KLRG2: variants seen among roughly 807,000 people sequenced by gnomAD.
KLRG2 encodes killer cell lectin like receptor G2, also known as killer cell lectin-like receptor subfamily G member 2.
KLRG2 carries 39 observed loss-of-function variants against 35.4 expected under a neutral mutation model. The observed-to-expected ratio is 1.10, with a 90% confidence interval of 0.85 to 1.44. KLRG2 has a LOEUF of 1.44. Ranked by LOEUF, KLRG2 falls within the 40% of genes most tolerant of loss-of-function variation. KLRG2 has a pLI of 0.00. For synonymous variants in KLRG2, 283 were observed against 265.8 expected (o/e 1.06, Z -0.63); for missense variants, 632 against 570.9 (o/e 1.11, Z -1.09).
At chr7:139,448,342 T>A (rs1031289138), downstream of KLRG2, among the ~76,000 whole-genome samples, 4 of 152,180 alleles carry the variant, frequency 2.6e-5, no homozygotes, top group Non-Finnish European at 5.9e-5. Flanking sequence ...TTTGGACATA[T>A]TGAAGACCAG....
chr7:139,465,983 C>G (rs1185705076), intron 3 of KLRG2, among the ~76,000 whole-genome samples: 1 of 152,168 alleles, frequency 6.6e-6, no homozygotes, highest in Non-Finnish European at 1.5e-5. Flanking sequence ...CAGGCCCATT[C>G]TATTCTGTCA....
chr7:139,443,676 C>T, the KLRG2 span, among the ~76,000 whole-genome samples: 2 of 152,148 alleles, frequency 1.3e-5, no homozygotes, highest in South Asian at 4.1e-4. Context: ...ATTCTCCTGC[C>T]TCAGCCTCCC....
intron 1 of KLRG2, among the ~76,000 whole-genome samples, chr7:139,481,262 T>C (rs1796955188): frequency 6.6e-6 from 1 of 152,242 alleles, no homozygotes; most frequent in South Asian, 2.1e-4. Context: ...GCCGGCATTA[T>C]AGACTTCTGA....
chr7:139,454,336 C>G, intron 3 of KLRG2, 122 bp from the exon 4 acceptor site: 1 of 644,728 alleles, frequency 1.6e-6, no homozygotes, highest in African/African-American at 1.9e-5. Flanking sequence ...CTGCTCAAGC[C>G]AGCACTTGCA....
chr7:139,463,019 C>T (rs544829631), intron 3 of KLRG2, among the ~76,000 whole-genome samples: 3 of 152,284 alleles, frequency 2.0e-5, no homozygotes, highest in African/African-American at 4.8e-5. Context: ...TCACACCCGA[C>T]GCGGCTTACA....
intron 3 of KLRG2, among the ~76,000 whole-genome samples, chr7:139,476,073 G>A (rs1266750925): frequency 6.6e-6 from 1 of 152,182 alleles, no homozygotes; most frequent in Non-Finnish European, 1.5e-5. Flanking sequence ...TGTTAGCTTG[G>A]AGGTTAGAAT....
chr7:139,432,525 A>G, the KLRG2 span, among the ~76,000 whole-genome samples: 1 of 146,192 alleles, frequency 6.8e-6, no homozygotes, highest in Non-Finnish European at 1.5e-5. Context: ...CTCGGTATCT[A>G]TGGGGGATTG....
the KLRG2 span, among the ~76,000 whole-genome samples, chr7:139,446,335 G>A: frequency 7.8e-6 from 1 of 127,954 alleles, no homozygotes; most frequent in Non-Finnish European, 1.6e-5. Context: ...CATTTTCCAG[G>A]GTTTTTTTTT....
rs544045693 is a variant in KLRG2, at chr7:139,483,020, C to T, written c.623G>A (p.Gly208Glu). 4.7e-5 allele frequency: 64 copies of T among 1,370,898 alleles called. No individual in the cohort carries two copies. The South Asian group carries it at 1.0e-3, about 22-fold the overall frequency. The allele number at this position is 1,370,898 out of a possible 1,614,324, so 84.9% of individuals were successfully genotyped here. A position where few individuals can be genotyped will look rare whatever the true frequency, so the allele number is the denominator to read the frequency against. ...GGGGGAGCCCGGGGAGCCGGCGCTT[C>T]CTTCCGCGGGGCTGGCCCGGCCCTC... is the stretch of plus-strand genomic sequence containing the variant. ...DAEGRASPAEGSAGSPGSPTC... is the reference protein window; with the variant it reads ...DAEGRASPAEESAGSPGSPTC... Residue 208 changes from glycine to glutamate, a missense_variant, in exon 1 of 5, where the codon GGA becomes GAA. Gly to Glu is a moderately conservative substitution (Grantham distance 98). Coordinates refer to ENST00000340940, the MANE Select transcript of KLRG2 (RefSeq NM_198508.4).
intron 3 of KLRG2, among the ~76,000 whole-genome samples, chr7:139,469,160 G>T (rs555341888): frequency 2.6e-5 from 4 of 152,136 alleles, no homozygotes; most frequent in Admixed American, 1.3e-4. Flanking sequence ...CATAAGATTT[G>T]TTTATTTACT....
the KLRG2 span, among the ~76,000 whole-genome samples, chr7:139,435,269 C>G: frequency 6.6e-6 from 1 of 152,206 alleles, no homozygotes; most frequent in Non-Finnish European, 1.5e-5. Context: ...GGGAGTGGAT[C>G]ACTTGAGGTC....
At chr7:139,476,340 T>C (rs569906847) in intron 3 of KLRG2, among the ~76,000 whole-genome samples, 2 of 152,032 alleles carry the variant, frequency 1.3e-5, no homozygotes, top group Admixed American at 1.3e-4. Flanking sequence ...TGCAGGTAAA[T>C]AGAAATTCCA....
chr7:139,463,783 T>A (rs1253439859), intron 3 of KLRG2, among the ~76,000 whole-genome samples: 1 of 152,214 alleles, frequency 6.6e-6, no homozygotes. Flanking sequence ...CCCAATTGCC[T>A]CAGAAGCTTC....
At position 139,483,615 on chromosome 7, in the gene KLRG2, C is replaced by G; in HGVS notation, c.28G>C (p.Gly10Arg). Reference sequence around the variant, plus strand: ...GGGAGCTCTGCCCCGGCTTGGCCTCCGGGCGCAGCCTCCCAAGACTCCTCC... The same window carrying G: ...GGGAGCTCTGCCCCGGCTTGGCCTCGGGGCGCAGCCTCCCAAGACTCCTCC... MEESWEAAPGGQAGAELPME... is the reference protein window; with the variant it reads MEESWEAAPRGQAGAELPME... The change falls in exon 1 of 5, where the codon GGA (glycine) becomes CGA (arginine). Residue 10 changes from glycine to arginine, a missense_variant. Transcript: ENST00000340940. 1.3e-6 allele frequency: 2 copies of G among 1,574,784 alleles called. No individual in the cohort carries two copies. Among genetic ancestry groups the G allele is most frequent in the Non-Finnish European group, 1.7e-6 (2 of 1,169,272 alleles).
Position 139,454,152 on chromosome 7 carries a change from C to G in KLRG2, c.1068G>C (p.Gln356His). 1 of 1,546,442 alleles carries G rather than the reference C, an allele frequency of 6.5e-7. No individual in the cohort carries two copies. Among genetic ancestry groups the G allele is most frequent in the East Asian group, 2.4e-5 (1 of 40,850 alleles). ...GGGCCTCGTCGATCCAGTGCCAGCC[C>G]TGGGGGCCTCGCCAGGCCCCCACCC... ...HSWVGAWRGP[Q>H]GWHWIDEAPL... The change falls in exon 4 of 5, where the codon CAG becomes CAC. Residue 356 changes from glutamine to histidine, a missense_variant. Physicochemically the swap from Gln to His is conservative, Grantham distance 24. Coordinates refer to ENST00000340940, the MANE Select transcript of KLRG2 (RefSeq NM_198508.4).
the KLRG2 span, among the ~76,000 whole-genome samples, chr7:139,432,064 AG>A: frequency 6.7e-6 from 1 of 149,368 alleles, no homozygotes; most frequent in Non-Finnish European, 1.5e-5. Flanking sequence ...AAAAAAAAAA[AG>A]TCAGTCCTGA....
chr7:139,439,919 T>C, the KLRG2 span, among the ~76,000 whole-genome samples: 1 of 152,148 alleles, frequency 6.6e-6, no homozygotes, highest in Admixed American at 6.5e-5. Flanking sequence ...ATTTATTCTG[T>C]CACAGTTCTG....
intron 3 of KLRG2, among the ~76,000 whole-genome samples, chr7:139,479,126 A>G (rs921188756): frequency 6.6e-6 from 1 of 152,154 alleles, no homozygotes; most frequent in African/African-American, 2.4e-5. Flanking sequence ...TCTGTTGCCC[A>G]GGCTGGAGTG....
downstream of KLRG2, among the ~76,000 whole-genome samples, chr7:139,450,948 C>T (rs1037951702): frequency 6.6e-6 from 1 of 152,178 alleles, no homozygotes; most frequent in African/African-American, 2.4e-5. Context: ...GGGAATGCTC[C>T]TTCTCGTAAT....
Sources: allele counts gnomAD v4.1 joint callset (sites outside exome capture counted in the v4.1 genomes callset), GRCh38; gene constraint gnomAD v4.1.1; transcripts MANE v1.5; gene names NCBI Gene and HGNC (gene_info 2026-07-23, HGNC 2026-07-21).